The following STRADA variants were observed in gnomAD, a reference collection of about 807,000 sequenced individuals.
STRADA encodes STE20-related kinase adapter protein alpha.
STRADA carries 26 observed loss-of-function variants against 55.0 expected under a neutral mutation model. The observed-to-expected ratio is 0.47, with a 90% confidence interval of 0.35 to 0.66. The LOEUF (loss-of-function observed/expected upper bound fraction) is 0.66, where lower values mean the gene tolerates loss of function less well. STRADA is among the 30% of genes least tolerant of loss of function. The pLI, the probability that STRADA is intolerant of heterozygous loss-of-function variation, is 0.01. For missense variants in STRADA, 443 were observed against 549.7 expected (o/e 0.81, Z 1.94); for synonymous variants, 197 against 210.9 (o/e 0.93, Z 0.57).
intron 4 of STRADA, 165 bp from the exon 5 acceptor site, chr17:63,714,273 G>T: frequency 3.2e-6 from 2 of 624,650 alleles, no homozygotes; most frequent in Admixed American, 2.1e-5. Flanking sequence ...ACTACATTCA[G>T]GGTAGTAATC....
chr17:63,706,617 G>T lies in STRADA; in HGVS notation c.858+18C>A. 1 of 1,597,812 alleles carries T rather than the reference G, an allele frequency of 6.3e-7. No individual in the cohort carries two copies. Among genetic ancestry groups the T allele is most frequent in the Non-Finnish European group, 8.6e-7 (1 of 1,167,480 alleles). On this transcript the variant is annotated intron_variant, in intron 10 of 12. Coordinates refer to ENST00000336174, the MANE Select transcript of STRADA (RefSeq NM_001003787.4). ...AAGGCAAGCAGGCAAGAAGGAAACCGATGGGCGGCAGGCTTACCTGGGTGG... is the reference window on the plus strand; with the variant it reads ...AAGGCAAGCAGGCAAGAAGGAAACCTATGGGCGGCAGGCTTACCTGGGTGG...
intron 1 of STRADA, among the ~76,000 whole-genome samples, chr17:63,739,610 C>A (rs901824147): frequency 3.3e-5 from 5 of 151,486 alleles, no homozygotes; most frequent in African/African-American, 1.2e-4. Context: ...GATATATCCA[C>A]ACTTATCAAA....
At chr17:63,703,971 T>C (rs200985008) in intron 12 of STRADA, 34 bp downstream of exon 12, 21 of 1,611,496 alleles carry the variant, frequency 1.3e-5, no homozygotes, top group Admixed American at 5.0e-5. Context: ...GAACCAGAAC[T>C]AGAACCAGAA....
chr17:63,703,840 C>T (rs1042514612), intron 12 of STRADA, 89 bp from the exon 13 acceptor site: 50 of 1,608,864 alleles, frequency 3.1e-5, no homozygotes, highest in East Asian at 1.1e-4. Context: ...TGGTGGCAGA[C>T]GGGCTGTCGG....
chr17:63,717,906 C>T (rs1270092996), intron 4 of STRADA, among the ~76,000 whole-genome samples: 1 of 152,036 alleles, frequency 6.6e-6, no homozygotes, highest in Non-Finnish European at 1.5e-5. Context: ...AGCCACCATG[C>T]CTGGCCTAGG....
chr17:63,720,158 C>A (rs1598210218), intron 4 of STRADA, among the ~76,000 whole-genome samples: 1 of 149,648 alleles, frequency 6.7e-6, no homozygotes, highest in East Asian at 2.0e-4. Flanking sequence ...AGGTATATGC[C>A]ACCATGCCAA....
intron 1 of STRADA, among the ~76,000 whole-genome samples, chr17:63,740,131 CATACATATATATATAT>C (rs2038806833): frequency 1.3e-4 from 6 of 46,488 alleles, no homozygotes; most frequent in African/African-American, 6.6e-4. Flanking sequence ...TATATATACA[CATACATATATATATAT>C]ACACACACAC....
rs1198768412 is a variant in STRADA at position 63,711,049 on chromosome 17, G to C, written c.349-213C>G. On this transcript the variant is annotated intron_variant, in intron 6 of 12. Transcript: ENST00000336174. ...AGCACTGCTTTGCCTCTGCCAGATA[G>C]GGAAACTGCCAACAACAAAGGGTGC... 1.1e-5 allele frequency: 6 copies of C among 552,684 alleles called. No individual in the cohort carries two copies. The East Asian group carries it at 1.5e-4, about 14-fold the overall frequency. The allele number at this position is 552,684 out of a possible 1,614,324, so 34.2% of individuals were successfully genotyped here. A position where few individuals can be genotyped will look rare whatever the true frequency, so the allele number is the denominator to read the frequency against.
intron 9 of STRADA, among the ~76,000 whole-genome samples, chr17:63,707,010 A>T (rs770240619): frequency 6.6e-6 from 1 of 152,200 alleles, no homozygotes; most frequent in Non-Finnish European, 1.5e-5. Context: ...CTCTTCTCAT[A>T]GGGTGCCAAG....
chr17:63,704,106 A>T (rs1234818903), intron 11 of STRADA, 59 bp from the exon 12 acceptor site: 2 of 1,594,190 alleles, frequency 1.3e-6, no homozygotes, highest in Non-Finnish European at 1.7e-6. Context: ...GCTTCCCGAA[A>T]TCCTGCCACT....
At chr17:63,709,545 T>C (rs949996808) in intron 8 of STRADA, among the ~76,000 whole-genome samples, 1 of 152,246 alleles carries the variant, frequency 6.6e-6, no homozygotes, top group African/African-American at 2.4e-5. Context: ...TTTCATGGTA[T>C]CTTGTATTGG....
chr17:63,740,326 A>G (rs1368291781), intron 1 of STRADA, among the ~76,000 whole-genome samples: 4 of 151,284 alleles, frequency 2.6e-5, no homozygotes, highest in African/African-American at 7.3e-5. Flanking sequence ...GGCCTGACCA[A>G]CATGGTGAAA....
intron 4 of STRADA, among the ~76,000 whole-genome samples, chr17:63,722,962 C>T (rs1156373554): frequency 6.6e-6 from 1 of 152,056 alleles, no homozygotes; most frequent in Non-Finnish European, 1.5e-5. Flanking sequence ...AATTTAATAA[C>T]ATTAGTCACT....
chr17:63,712,065 G>A (rs534660069), intron 6 of STRADA, among the ~76,000 whole-genome samples: 1 of 152,258 alleles, frequency 6.6e-6, no homozygotes, highest in African/African-American at 2.4e-5. Flanking sequence ...AGCACCATCA[G>A]GTAACCACCA....
chr17:63,704,902 C>A, intron 10 of STRADA: 2 of 1,536,142 alleles, frequency 1.3e-6, no homozygotes, highest in Non-Finnish European at 1.7e-6. Context: ...ACCGTAGAGT[C>A]TTCACCCTAG....
At chr17:63,732,150 G>A (rs1440137852) in intron 1 of STRADA, among the ~76,000 whole-genome samples, 1 of 151,234 alleles carries the variant, frequency 6.6e-6, no homozygotes, top group South Asian at 2.1e-4. Flanking sequence ...TTACAGGCGT[G>A]AGCCACCGCG....
rs576550983 is a variant in STRADA at position 63,723,519 on chromosome 17, G to A, written c.95-193C>T. On this transcript the variant is annotated intron_variant, in intron 3 of 12. Coordinates refer to ENST00000336174, the MANE Select transcript of STRADA (RefSeq NM_001003787.4). Reference sequence around the variant, plus strand: ...CAGTAAAAATGCTGCAGAGAGATAGGGCTTTAAACATGGATCTATGGTTCT... The same window carrying A: ...CAGTAAAAATGCTGCAGAGAGATAGAGCTTTAAACATGGATCTATGGTTCT... 278 of 611,942 alleles carry A rather than the reference G, an allele frequency of 4.5e-4. 4 individuals are homozygous for A. The highest frequency in any genetic ancestry group is 4.1e-3 in the African/African-American group (225 of 54,246). 37.9% of individuals were successfully genotyped at this position (611,942 alleles called of 1,614,324 possible).
At chr17:63,727,848 A>T (rs1293656536) in intron 2 of STRADA, 2 of 152,410 alleles carry the variant, frequency 1.3e-5, no homozygotes, top group Non-Finnish European at 2.9e-5. Flanking sequence ...ATTTGTAAAG[A>T]AGCTAAATCT....
chr17:63,703,991 A>T lies in STRADA; in HGVS notation c.1143+14T>A, dbSNP rs986668758. The T allele has an allele frequency of 7.0e-7, 1 of 1,436,596 alleles. No homozygotes were observed. Among genetic ancestry groups the T allele is most frequent in the Non-Finnish European group, 9.4e-7 (1 of 1,061,654 alleles). The allele number at this position is 1,436,596 out of a possible 1,614,324, so 89.0% of individuals were successfully genotyped here. A position where few individuals can be genotyped will look rare whatever the true frequency, so the allele number is the denominator to read the frequency against. Reference sequence around the variant, plus strand: ...AGAACTAGAACCAGAACCAGAACGAAGGGGCTACGATACCTGCTTGAAGAA... The same window carrying T: ...AGAACTAGAACCAGAACCAGAACGATGGGGCTACGATACCTGCTTGAAGAA... On this transcript the variant is annotated intron_variant, in intron 12 of 12. Transcript: ENST00000336174.
Sources: allele counts gnomAD v4.1 joint callset (sites outside exome capture counted in the v4.1 genomes callset), GRCh38; gene constraint gnomAD v4.1.1; transcripts MANE v1.5; gene names NCBI Gene and HGNC (gene_info 2026-07-23, HGNC 2026-07-21).